The following ARPP21 variants were observed in gnomAD, a reference collection of about 807,000 sequenced individuals.
ARPP21 encodes the protein cAMP regulated phosphoprotein 21, also known as cAMP-regulated phosphoprotein 21.
A neutral mutation model predicts 113.2 loss-of-function variants in ARPP21; 69 were observed. The ratio of observed to expected loss-of-function variants is 0.61; its 90% CI spans 0.50 to 0.74. The LOEUF is 0.74. Among genes scored for constraint, ARPP21 ranks in the 30% least tolerant of loss-of-function variants. The probability of loss-of-function intolerance (pLI) is 0.00; values close to 1 mark genes in which losing one functional copy is unlikely to be tolerated. For missense variants in ARPP21, 1,070 were observed against 1,037.4 expected (o/e 1.03, Z -0.43); for synonymous variants, 368 against 375.5 (o/e 0.98, Z 0.23).
chr3:35,647,647 A>G (rs537065455), intron 1 of ARPP21, among the ~76,000 whole-genome samples: 1 of 152,300 alleles, frequency 6.6e-6, no homozygotes, highest in South Asian at 2.1e-4. Context: ...TTACCTTCAT[A>G]AATATGCAAT....
At chr3:35,671,416 G>C (rs1025129154) in intron 1 of ARPP21, among the ~76,000 whole-genome samples, 66 of 152,062 alleles carry the variant, frequency 4.3e-4, no homozygotes, top group African/African-American at 1.6e-3. Flanking sequence ...ATGATTTCTT[G>C]AACACTTACA....
intron 5 of ARPP21, chr3:35,684,363 TTTAAG>T: frequency 9.9e-7 from 1 of 1,013,000 alleles, no homozygotes; most frequent in Non-Finnish European, 1.2e-6. Context: ...TGATGGTGAC[TTTAAG>T]TTAATATTAT....
chr3:35,707,048 G>C lies in ARPP21; in HGVS notation c.761G>C (p.Arg254Pro), dbSNP rs766212549. The change falls in exon 10 of 21, where the codon CGA becomes CCA. Residue 254 changes from arginine to proline, a missense_variant. Transcript: ENST00000684406. ...TCCCAGAAGCGGTTTATCTTGAAGCGAGATAACTCTAGTATTGATAAAGAA... is the reference window on the plus strand; with the variant it reads ...TCCCAGAAGCGGTTTATCTTGAAGCCAGATAACTCTAGTATTGATAAAGAA... ...EESQKRFILK[R>P]DNSSIDKEDN... 1.9e-6 allele frequency: 3 copies of C among 1,613,936 alleles called. No homozygotes were observed. Among genetic ancestry groups the C allele is most frequent in the Non-Finnish European group, 2.5e-6 (3 of 1,179,836 alleles).
Position 35,681,803 on chromosome 3 carries a change from G to C in ARPP21, c.52G>C (p.Glu18Gln). The change falls in exon 3 of 21, where the codon GAG becomes CAG. Residue 18 changes from glutamate (E) to glutamine (Q), a missense_variant. Physicochemically the swap from Glu to Gln is conservative, Grantham distance 29 (BLOSUM62 2). Transcript: ENST00000684406. Reference sequence around the variant, plus strand: ...GGCAATAGCAGAGGAAGGAGGGACTGAGCAGGAGACGGCCACTCCAGAGAA... The same window carrying C: ...GGCAATAGCAGAGGAAGGAGGGACTCAGCAGGAGACGGCCACTCCAGAGAA... ...NQAIAEEGGT[E>Q]QETATPENGI... 1.2e-6 allele frequency: 2 copies of C among 1,611,874 alleles called. No homozygotes were observed. The highest frequency in any genetic ancestry group is 1.7e-6 in the Non-Finnish European group (2 of 1,178,540).
rs1434296359 is a variant in ARPP21 at position 35,715,307 on chromosome 3, C to A, written c.898-132C>A. ...AACCAACCTTTTTCCTTTTTTATTT[C>A]TATCTTTTGTACCTATTTTTCTTAA... On this transcript the variant is annotated intron_variant, in intron 11 of 20. Transcript: ENST00000684406. 5 of 700,360 alleles carry A rather than the reference C, an allele frequency of 7.1e-6. No homozygotes were observed. The Admixed American group carries it at 1.0e-4, about 15-fold the overall frequency. The allele number at this position is 700,360 out of a possible 1,614,324, so 43.4% of individuals were successfully genotyped here.
intron 15 of ARPP21, among the ~76,000 whole-genome samples, chr3:35,735,902 G>T (rs2094318961): frequency 6.6e-6 from 1 of 152,140 alleles, no homozygotes; most frequent in Non-Finnish European, 1.5e-5. Flanking sequence ...CCAATACTGG[G>T]TGTTACTTCA....
intron 19 of ARPP21, among the ~76,000 whole-genome samples, chr3:35,748,082 G>GA (rs1384301725): frequency 8.5e-6 from 1 of 117,956 alleles, no homozygotes; most frequent in African/African-American, 3.4e-5. Context: ...AAGAAAGAAA[G>GA]AAAGAAAGAA....
chr3:35,675,434 A>T (rs201637124), intron 1 of ARPP21, among the ~76,000 whole-genome samples: 1 of 151,636 alleles, frequency 6.6e-6, no homozygotes, highest in East Asian at 2.0e-4. Flanking sequence ...GGTCAAAAAA[A>T]CCCTCCTTAT....
At position 35,690,009 on chromosome 3, in the gene ARPP21, T is replaced by A. The variant is rs918285012; in HGVS notation, c.486-72T>A. 8 of 754,350 alleles carry A rather than the reference T, an allele frequency of 1.1e-5. No individual in the cohort carries two copies. The African/African-American group carries it at 1.4e-4, about 13-fold the overall frequency. 46.7% of individuals were successfully genotyped at this position (754,350 alleles called of 1,614,324 possible). A position where few individuals can be genotyped will look rare whatever the true frequency, so the allele number is the denominator to read the frequency against. Reference sequence around the variant, plus strand: ...ACATTTAAGTAATCTTTTCCATACATTTAATTAATTCTTTAGGTTTTTGGA... The same window carrying A: ...ACATTTAAGTAATCTTTTCCATACAATTAATTAATTCTTTAGGTTTTTGGA... On this transcript the variant is annotated intron_variant, in intron 7 of 20. Transcript: ENST00000684406.
chr3:35,675,578 T>A (rs898148089), intron 1 of ARPP21, among the ~76,000 whole-genome samples: 1 of 151,826 alleles, frequency 6.6e-6, no homozygotes, highest in Admixed American at 6.6e-5. Flanking sequence ...ATATCCAGGG[T>A]AAGCTTTGGG....
At chr3:35,790,120 CATTGAGGCCA>C (rs1462673616) in intron 19 of ARPP21, among the ~76,000 whole-genome samples, 4 of 151,932 alleles carry the variant, frequency 2.6e-5, no homozygotes, top group African/African-American at 9.7e-5. Context: ...TGTGAAGATC[CATTGAGGCCA>C]ATTGGCCTTT....
chr3:35,761,334 G>A (rs1423360184), intron 19 of ARPP21, among the ~76,000 whole-genome samples: 1 of 152,046 alleles, frequency 6.6e-6, no homozygotes, highest in East Asian at 1.9e-4. Context: ...TAAGGTACGT[G>A]AAAAATTTGA....
chr3:35,748,071 AAAG>A (rs2095208083), intron 19 of ARPP21, among the ~76,000 whole-genome samples: 1 of 94,268 alleles, frequency 1.1e-5, no homozygotes, highest in South Asian at 3.6e-4. Flanking sequence ...AGGAAGGAAG[AAAG>A]AAAGAAAGAA....
chr3:35,736,654 ATATGT>A (rs2094370316), intron 15 of ARPP21, among the ~76,000 whole-genome samples: 1 of 152,190 alleles, frequency 6.6e-6, no homozygotes, highest in African/African-American at 2.4e-5. Context: ...GAGTGAATGG[ATATGT>A]TATGTTCCAT....
Position 35,780,568 on chromosome 3 carries a change from C to G in ARPP21, c.2138-11814C>G, listed in dbSNP as rs143027801. 9.2e-3 allele frequency among the ~76,000 whole-genome samples: 1,399 copies of G among 152,078 alleles called. 41 individuals carry two copies. The highest frequency in any genetic ancestry group is 0.058 in the Admixed American group (883 of 15,252). On this transcript the variant is annotated intron_variant, in intron 19 of 20. Transcript: ENST00000684406. ...GTAATTTGCCAGATCCCACTACTTA[C>G]TCTGTGAGGGAAAAAAAATAATGAG...
chr3:35,783,458 A>G (rs2096567928), intron 19 of ARPP21, among the ~76,000 whole-genome samples: 1 of 151,944 alleles, frequency 6.6e-6, no homozygotes, highest in African/African-American at 2.4e-5. Context: ...CTTGCCGCTC[A>G]TAGATGCCAG....
chr3:35,779,675 C>T (rs1185096418), intron 19 of ARPP21, among the ~76,000 whole-genome samples: 1 of 152,028 alleles, frequency 6.6e-6, no homozygotes, highest in Non-Finnish European at 1.5e-5. Flanking sequence ...CTCTTGTTTG[C>T]TTTTCTTTTA....
intron 16 of ARPP21, 98 bp from the exon 17 acceptor site, chr3:35,738,116 C>T: frequency 2.7e-6 from 2 of 748,380 alleles, no homozygotes; most frequent in East Asian, 2.7e-5. Flanking sequence ...CTGGAGTGCA[C>T]TGAACCTAGA....
chr3:35,758,184 A>G (rs1355799954), intron 19 of ARPP21, among the ~76,000 whole-genome samples: 1 of 152,078 alleles, frequency 6.6e-6, no homozygotes, highest in African/African-American at 2.4e-5. Context: ...CCTAGACACA[A>G]AGCAGTGTCT....
Sources: allele counts gnomAD v4.1 joint callset (sites outside exome capture counted in the v4.1 genomes callset), GRCh38; gene constraint gnomAD v4.1.1; transcripts MANE v1.5; gene names NCBI Gene and HGNC (gene_info 2026-07-23, HGNC 2026-07-21).